The following MCF2L variants were observed in gnomAD, a reference collection of about 807,000 sequenced individuals.
MCF2L encodes the protein guanine nucleotide exchange factor DBS.
In MCF2L, 97 loss-of-function variants were observed where a neutral mutation model predicts 153.4. The ratio of observed to expected loss-of-function variants is 0.63; its 90% CI spans 0.54 to 0.75. MCF2L has a LOEUF of 0.75. MCF2L is among the 30% of genes least tolerant of loss of function. The pLI is 0.00. For missense variants in MCF2L, 1,347 were observed against 1,495.2 expected (o/e 0.90, Z 1.64); for synonymous variants, 659 against 632.2 (o/e 1.04, Z -0.64).
rs2035724403 is a variant in MCF2L at position 113,096,973 on chromosome 13, C to T, written c.*114C>T. On this transcript the variant is annotated 3_prime_UTR_variant, in exon 30 of 30. Transcript: ENST00000535094. The stretch of plus-strand genomic sequence containing the variant: ...ACCTCACCGCCCCCACCCAGAGCGC[C>T]TGGCCGTGCGGGCTGCAGAGGACCC... 1 of 698,752 alleles carries T rather than the reference C, an allele frequency of 1.4e-6. No homozygotes were observed. Among genetic ancestry groups the T allele is most frequent in the Non-Finnish European group, 2.0e-6 (1 of 490,806 alleles). 43.3% of individuals were successfully genotyped at this position (698,752 alleles called of 1,614,324 possible).
At chr13:112,921,707 TGTCCTAGA>T (rs971422694) in intron 2 of MCF2L, among the ~76,000 whole-genome samples, 1 of 152,206 alleles carries the variant, frequency 6.6e-6, no homozygotes, top group African/African-American at 2.4e-5. Flanking sequence ...ACAGGAACAC[TGTCCTAGA>T]CGTTAAGAAT....
At chr13:113,071,803 T>C (rs961653452) in intron 9 of MCF2L, among the ~76,000 whole-genome samples, 1 of 152,238 alleles carries the variant, frequency 6.6e-6, no homozygotes, top group African/African-American at 2.4e-5. Flanking sequence ...GTACACTCAT[T>C]CTTCCCTCTT....
At chr13:112,924,569 A>G (rs1277532091) in intron 2 of MCF2L, among the ~76,000 whole-genome samples, 1 of 152,218 alleles carries the variant, frequency 6.6e-6, no homozygotes, top group African/African-American at 2.4e-5. Flanking sequence ...GGAAAACTAT[A>G]AAATACTCCT....
rs138267669 is a variant in MCF2L at position 113,049,048 on chromosome 13, G to A, written c.369+3687G>A. On this transcript the variant is annotated intron_variant, in intron 4 of 29. Transcript: ENST00000535094. ...CCAGGCCCCTGCTACCCAGGAGCCC[G>A]CCGCCTCCAGAAGGGTTTGGTGCAG... Among the ~76,000 whole-genome samples, 1,045 of 152,286 alleles carry A rather than the reference G, an allele frequency of 6.9e-3. 6 individuals carry two copies. Among genetic ancestry groups the A allele is most frequent in the African/African-American group, 0.021 (854 of 41,554 alleles).
At position 113,096,992 on chromosome 13, in the gene MCF2L, A is replaced by AG. The variant is rs1414182895; in HGVS notation, c.*135dup. ...GAGCGCCTGGCCGTGCGGGCTGCAGAGGACCCCTCCGGGGCAGAGGCAGGT... is the reference window on the plus strand; with the variant it reads ...GAGCGCCTGGCCGTGCGGGCTGCAGAGGGACCCCTCCGGGGCAGAGGCAGGT... On this transcript the variant is annotated 3_prime_UTR_variant, in exon 30 of 30. Coordinates refer to ENST00000535094, the MANE Select transcript of MCF2L (RefSeq NM_001112732.3). The AG allele has an allele frequency of 5.5e-6, 3 of 550,066 alleles. No homozygotes were observed. The African/African-American group carries it at 6.0e-5, about 11-fold the overall frequency. The allele number at this position is 550,066 out of a possible 1,614,324, so 34.1% of individuals were successfully genotyped here. A position where few individuals can be genotyped will look rare whatever the true frequency, so the allele number is the denominator to read the frequency against.
At chr13:113,090,430 T>TGGGGCGGGG in intron 26 of MCF2L, 2 of 975,304 alleles carry the variant, frequency 2.1e-6, no homozygotes, top group Non-Finnish European at 2.4e-6. Context: ...CCCTCCTTCC[T>TGGGGCGGGG]CTCCCTGCCC....
upstream of MCF2L, among the ~76,000 whole-genome samples, chr13:112,966,415 C>G (rs1191132941): frequency 6.6e-6 from 1 of 152,184 alleles, no homozygotes; most frequent in East Asian, 1.9e-4. This position sits in a 1 kb window ranked among gnomAD's most constrained non-coding sequence, Gnocchi z 4.1. Flanking sequence ...CTCTCAAGCC[C>G]CTTGATAGAT....
At chr13:112,956,257 G>A (rs1356075698) in intron 2 of MCF2L, 1 of 152,576 alleles carries the variant, frequency 6.6e-6, no homozygotes, top group East Asian at 1.9e-4. Context: ...GCTTCTTTTT[G>A]CCAGAGATCC....
At chr13:112,944,105 A>AGGGTCCCGGACCATGAGGGG (rs1328178691) in intron 2 of MCF2L, among the ~76,000 whole-genome samples, 53 of 131,528 alleles carry the variant, frequency 4.0e-4, no homozygotes, top group Non-Finnish European at 4.1e-4. Context: ...ACCATGAGGG[A>AGGGTCCCGGACCATGAGGGG]AGGGTCCCGG....
At chr13:112,906,092 G>A (rs1349915892) in intron 2 of MCF2L, among the ~76,000 whole-genome samples, 7 of 152,168 alleles carry the variant, frequency 4.6e-5, no homozygotes, top group Non-Finnish European at 1.0e-4. Context: ...ACATTGATGA[G>A]CTTATTTTCC....
intron 2 of MCF2L, among the ~76,000 whole-genome samples, chr13:112,919,109 C>G (rs1233706110): frequency 6.6e-6 from 1 of 152,012 alleles, no homozygotes; most frequent in Non-Finnish European, 1.5e-5. Context: ...AATTCAAATT[C>G]ATTTACAAGA....
chr13:113,039,753 G>A (rs145917270), intron 3 of MCF2L, among the ~76,000 whole-genome samples: 346 of 152,320 alleles, frequency 2.3e-3, no homozygotes, highest in African/African-American at 8.1e-3. Context: ...ACGCCACTCT[G>A]TATCCACAAG....
chr13:112,944,233 G>GGGGAGGGTCCCGGGCCATGAA (rs1051714006), intron 2 of MCF2L, among the ~76,000 whole-genome samples: 2 of 148,924 alleles, frequency 1.3e-5, no homozygotes, highest in African/African-American at 2.5e-5. Flanking sequence ...TGGGCTGTGA[G>GGGGAGGGTCCCGGGCCATGAA]GGGAGGGTCC....
At chr13:113,015,641 C>T (rs1406515035) in intron 2 of MCF2L, among the ~76,000 whole-genome samples, 1 of 152,202 alleles carries the variant, frequency 6.6e-6, no homozygotes, top group African/African-American at 2.4e-5. Flanking sequence ...AGCCTGCACC[C>T]CAGGCCGGGC....
At chr13:113,008,637 A>G (rs1174231029) in intron 1 of MCF2L, 1 of 152,182 alleles carries the variant, frequency 6.6e-6, no homozygotes, top group African/African-American at 2.4e-5. Flanking sequence ...TACATATTAA[A>G]CAAGTTGAGA....
At chr13:112,916,896 C>T (rs1367636117) in intron 2 of MCF2L, among the ~76,000 whole-genome samples, 2 of 152,152 alleles carry the variant, frequency 1.3e-5, no homozygotes, top group Non-Finnish European at 2.9e-5. Flanking sequence ...CTGCCTGTCC[C>T]TGAACCTCTG....
rs756402336 is a variant in MCF2L at position 112,951,968 on chromosome 13, G to C, written c.169+49597G>C. ...GGGCTTTACCAATATGTAGAATCAC[G>C]TGAAGTGGGAAGAGGGAAAAGGGCT... On this transcript the variant is annotated intron_variant, in intron 2 of 29. Coordinates refer to the MCF2L transcript ENST00000375608. The surrounding 1 kb of genome is among the most constrained non-coding windows in gnomAD (Gnocchi z 4.8). Among the ~76,000 whole-genome samples the C allele has an allele frequency of 6.6e-6, 1 of 152,204 alleles. No homozygotes were observed. The highest frequency in any genetic ancestry group is 2.4e-5 in the African/African-American group (1 of 41,458).
chr13:113,090,260 G>T (rs556361531), intron 26 of MCF2L: 11 of 1,357,042 alleles, frequency 8.1e-6, no homozygotes, highest in Non-Finnish European at 1.1e-5. Context: ...GGGCGGCCAC[G>T]CAAAAGCGTT....
chr13:113,006,534 G>C (rs1354904415), intron 1 of MCF2L, among the ~76,000 whole-genome samples: 1 of 152,214 alleles, frequency 6.6e-6, no homozygotes, highest in Non-Finnish European at 1.5e-5. Context: ...GCAGCTGCCA[G>C]TGCGACCCCT....
Sources: allele counts gnomAD v4.1 joint callset (sites outside exome capture counted in the v4.1 genomes callset), GRCh38; gene constraint gnomAD v4.1.1; non-coding constraint Gnocchi (gnomAD v3.1); transcripts MANE v1.5; gene names NCBI Gene and HGNC (gene_info 2026-07-23, HGNC 2026-07-21).